ANKS1B: variants seen among roughly 807,000 people sequenced by gnomAD.
ANKS1B encodes the protein ankyrin repeat and sterile alpha motif domain containing 1B, also known as ankyrin repeat and sterile alpha motif domain-containing protein 1B.
ANKS1B carries 36 observed loss-of-function variants against 148.3 expected under a neutral mutation model. That is an observed-to-expected ratio of 0.24 (90% CI 0.19 to 0.32). The LOEUF (loss-of-function observed/expected upper bound fraction) is 0.32. ANKS1B is among the 10% of genes least tolerant of loss of function. The pLI is 1.00. For synonymous variants in ANKS1B, 542 were observed against 560.8 expected, an observed-to-expected ratio of 0.97 and a Z score of 0.47; for missense variants, 1,157 against 1,542.6, an observed-to-expected ratio of 0.75 and a Z score of 4.19.
rs118136702 is a variant in ANKS1B, at chr12:99,647,435, T to C, written c.1272+7632A>G. Among the ~76,000 whole-genome samples, 1,402 of 152,338 alleles carry C rather than the reference T, an allele frequency of 9.2e-3. 13 individuals carry two copies. The highest frequency in any genetic ancestry group is 0.017 in the Non-Finnish European group (1,131 of 68,034). The stretch of plus-strand genomic sequence containing the variant: ...AATTTATCCAATTCTCTCTTTAAAA[T>C]AAATGTCTACAACTAGAGGAGCTGG... On this transcript the variant is annotated intron_variant, in intron 9 of 26. Coordinates refer to ENST00000683438, the MANE Select transcript of ANKS1B (RefSeq NM_001352186.2).
intron 17 of ANKS1B, among the ~76,000 whole-genome samples, chr12:98,892,929 T>G (rs1302447389): frequency 6.6e-6 from 1 of 152,228 alleles, no homozygotes; most frequent in Non-Finnish European, 1.5e-5. Context: ...GGTGCCAAAC[T>G]GCACCAAGCA....
intron 15 of ANKS1B, among the ~76,000 whole-genome samples, chr12:99,151,527 CAAA>C (rs10710183): frequency 2.9e-5 from 4 of 135,672 alleles, no homozygotes; most frequent in Admixed American, 7.4e-5. Flanking sequence ...GACTCCCACT[CAAA>C]AAAAAAAAAA....
At chr12:99,859,671 G>C (rs2089735298) in intron 1 of ANKS1B, among the ~76,000 whole-genome samples, 1 of 151,008 alleles carries the variant, frequency 6.6e-6, no homozygotes, top group East Asian at 1.9e-4. Flanking sequence ...TTTTGAGACA[G>C]AGTCTTGCTC....
intron 9 of ANKS1B, among the ~76,000 whole-genome samples, chr12:99,650,203 TTACTCTCAGA>T (rs1229128906): frequency 8.7e-6 from 1 of 115,430 alleles, no homozygotes; most frequent in Admixed American, 9.3e-5. Context: ...ATGTTGAAGA[TTACTCTCAGA>T]TATGATCCTA....
chr12:99,260,096 T>C (rs557954160), intron 12 of ANKS1B, among the ~76,000 whole-genome samples: 72 of 152,278 alleles, frequency 4.7e-4, no homozygotes, highest in Non-Finnish European at 8.5e-4. Context: ...TTAACTCAAG[T>C]CGGTTGTTTT....
chr12:99,938,310 C>G lies in ANKS1B; in HGVS notation c.134+45794G>C, dbSNP rs115026917. On this transcript the variant is annotated intron_variant, in intron 1 of 26. Coordinates refer to ENST00000683438, the MANE Select transcript of ANKS1B (RefSeq NM_001352186.2). ...GTCCTACAACCACAGGAATTAAATT[C>G]TGCCAACAGCTGAAATGAGCTTGAA... Among the ~76,000 whole-genome samples the G allele has an allele frequency of 2.7e-3, 411 of 152,272 alleles. 1 individual carries two copies. The highest frequency in any genetic ancestry group is 9.5e-3 in the African/African-American group (395 of 41,562).
chr12:99,154,689 A>C (rs1242415820), intron 14 of ANKS1B: 1 of 1,436,970 alleles, frequency 7.0e-7, no homozygotes, highest in Non-Finnish European at 9.1e-7. Context: ...CAGGCAGCAG[A>C]AGAAGGCATA....
At chr12:99,507,898 G>A (rs1009374851) in intron 9 of ANKS1B, among the ~76,000 whole-genome samples, 1 of 151,608 alleles carries the variant, frequency 6.6e-6, no homozygotes, top group Non-Finnish European at 1.5e-5. Context: ...ATTGAAACCT[G>A]TCCCCCAACC....
intron 12 of ANKS1B, among the ~76,000 whole-genome samples, chr12:99,392,442 A>C (rs954623348): frequency 6.6e-6 from 1 of 152,232 alleles, no homozygotes; most frequent in Admixed American, 6.5e-5. Flanking sequence ...CCCACTTGGA[A>C]AGAAGCACTT....
At chr12:99,142,764 C>A (rs1450222533) in intron 15 of ANKS1B, among the ~76,000 whole-genome samples, 1 of 152,114 alleles carries the variant, frequency 6.6e-6, no homozygotes, top group East Asian at 1.9e-4. Context: ...CCACTCCCTG[C>A]AACAAGAACC....
At chr12:98,816,821 C>A (rs940012726) in intron 19 of ANKS1B, among the ~76,000 whole-genome samples, 5 of 151,990 alleles carry the variant, frequency 3.3e-5, no homozygotes, top group Non-Finnish European at 7.4e-5. Context: ...TGGTGGGTCT[C>A]AGAACAGAGC....
At chr12:99,732,294 C>G (rs1038381875) in intron 8 of ANKS1B, among the ~76,000 whole-genome samples, 2 of 152,174 alleles carry the variant, frequency 1.3e-5, no homozygotes, top group Non-Finnish European at 1.5e-5. Flanking sequence ...AGTAATCCCA[C>G]TCTTACATGT....
Position 99,115,400 on chromosome 12 carries a change from T to A in ANKS1B, c.2527-30377A>T, listed in dbSNP as rs147685742. ...ACCAAATACCACATGTTCTCATTTG[T>A]AAGTGGGAGCTAAATTATGAGAACT... On this transcript the variant is annotated intron_variant, in intron 15 of 26. Transcript: ENST00000683438. Among the ~76,000 whole-genome samples, 1,063 of 152,314 alleles carry A rather than the reference T, an allele frequency of 7.0e-3. 13 individuals are homozygous for A. Among genetic ancestry groups the A allele is most frequent in the South Asian group, 0.045 (218 of 4,824 alleles).
intron 12 of ANKS1B, among the ~76,000 whole-genome samples, chr12:99,365,906 TAAGAA>T (rs1276891223): frequency 1.3e-5 from 2 of 152,026 alleles, no homozygotes; most frequent in African/African-American, 4.8e-5. Context: ...TATAAAAAAA[TAAGAA>T]AAGAAAGAGA....
At chr12:99,427,374 ATGTCTTCATCTGGGTCT>A (rs2095277806) in intron 11 of ANKS1B, among the ~76,000 whole-genome samples, 1 of 152,102 alleles carries the variant, frequency 6.6e-6, no homozygotes, top group Non-Finnish European at 1.5e-5. Context: ...CTCCAAGTTC[ATGTCTTCATCTGGGTCT>A]TTGTATTGCT....
At chr12:99,236,427 C>T (rs2087942631) in intron 14 of ANKS1B, among the ~76,000 whole-genome samples, 1 of 152,094 alleles carries the variant, frequency 6.6e-6, no homozygotes, top group Non-Finnish European at 1.5e-5. Context: ...GGAAGCAAGG[C>T]ACATCTTACA....
intron 19 of ANKS1B, among the ~76,000 whole-genome samples, chr12:98,821,817 A>G (rs986662185): frequency 6.6e-6 from 1 of 152,020 alleles, no homozygotes; most frequent in East Asian, 1.9e-4. Context: ...CATGTTGCCC[A>G]GCCTGGTCTT....
intron 11 of ANKS1B, among the ~76,000 whole-genome samples, chr12:99,421,242 A>G (rs1253330517): frequency 6.6e-6 from 1 of 152,226 alleles, no homozygotes; most frequent in Non-Finnish European, 1.5e-5. Context: ...AGAATCACCA[A>G]ATTACATGAA....
intron 1 of ANKS1B, among the ~76,000 whole-genome samples, chr12:99,961,614 A>C (rs768729057): frequency 3.7e-4 from 57 of 152,170 alleles, no homozygotes; most frequent in Non-Finnish European, 8.2e-4. Context: ...TTCCCCTTTA[A>C]AGAAAAAGCA....
Sources: gnomAD v4.1 joint callset for allele counts (sites outside exome capture counted in the v4.1 genomes callset) on GRCh38, gnomAD v4.1.1 for gene constraint, MANE v1.5 for transcripts, NCBI Gene and HGNC (gene_info 2026-07-23, HGNC 2026-07-21) for gene names.